EXPH5: variants seen among roughly 807,000 people sequenced by gnomAD.
EXPH5 encodes the protein exophilin-5.
In EXPH5, 42 loss-of-function variants were observed where a neutral mutation model predicts 41.1. The ratio of observed to expected loss-of-function variants is 1.02; its 90% CI spans 0.80 to 1.32. The LOEUF is 1.32. Ranked by LOEUF, EXPH5 falls within the 40% of genes most tolerant of loss-of-function variation. The pLI is 0.00. For missense variants in EXPH5, 2,298 were observed against 2,314.5 expected (o/e 0.99, Z 0.15); for synonymous variants, 798 against 833.5 (o/e 0.96, Z 0.73).
rs549849425 is a variant in EXPH5 at position 108,516,469 on chromosome 11, G to T, written c.632-1594C>A. Among the ~76,000 whole-genome samples, 4 of 152,148 alleles carry T rather than the reference G, an allele frequency of 2.6e-5. No individual in the cohort carries two copies. In the South Asian group the frequency reaches 8.3e-4, roughly 32 times the overall value. ...TTTGAATAGAATCATAATCTTTTGA[G>T]GTGTGTAGACTCTCTAAGACCCACT... On this transcript the variant is annotated intron_variant, in intron 5 of 5. Transcript: ENST00000265843.
chr11:108,538,027 G>T (rs1218883418), intron 3 of EXPH5: 2 of 985,194 alleles, frequency 2.0e-6, no homozygotes, highest in African/African-American at 1.7e-5. Context: ...CTACATTGTG[G>T]TCTGCTCTTT....
rs117009225 is a variant in EXPH5, at chr11:108,514,512, G to C, written c.995C>G (p.Pro332Arg). 14 of 1,612,628 alleles carry C rather than the reference G, an allele frequency of 8.7e-6. No homozygotes were observed. The East Asian group carries it at 2.9e-4, about 33-fold the overall frequency. The change falls in exon 6 of 6, where the codon CCA becomes CGA. Residue 332 changes from proline (P) to arginine (R), a missense_variant. Pro to Arg is a moderately radical substitution (Grantham distance 103). Coordinates refer to ENST00000265843, the MANE Select transcript of EXPH5 (RefSeq NM_015065.3). Reference sequence around the variant, plus strand: ...TCTTGCTGTGAAATGCCCTGTGGCTGGTAAGGCCGACCGTTGCCTGCTGTC... The same window carrying C: ...TCTTGCTGTGAAATGCCCTGTGGCTCGTAAGGCCGACCGTTGCCTGCTGTC... ...CFDSRQRSAL[P>R]ATGHFTARSL... is the part of the protein sequence containing the mutation.
chr11:108,579,231 G>T (rs2094090085), intron 1 of EXPH5, among the ~76,000 whole-genome samples: 2 of 150,252 alleles, frequency 1.3e-5, no homozygotes, highest in African/African-American at 4.9e-5. Flanking sequence ...AAGAGATGTT[G>T]AATTTTAATG....
intron 1 of EXPH5, among the ~76,000 whole-genome samples, chr11:108,563,500 G>A (rs1395025335): frequency 6.6e-6 from 1 of 152,162 alleles, no homozygotes; most frequent in African/African-American, 2.4e-5. Context: ...GCAGGGGAGA[G>A]CACATTATCT....
At chr11:108,565,197 TGC>T (rs1176474659) in intron 1 of EXPH5, among the ~76,000 whole-genome samples, 4 of 152,174 alleles carry the variant, frequency 2.6e-5, no homozygotes, top group Admixed American at 6.5e-5. Flanking sequence ...TGAGCCACCA[TGC>T]CTGGCCTGTA....
intron 1 of EXPH5, among the ~76,000 whole-genome samples, chr11:108,579,964 A>C (rs961640067): frequency 6.6e-6 from 1 of 152,134 alleles, no homozygotes; most frequent in Non-Finnish European, 1.5e-5. Flanking sequence ...GAAAATATAG[A>C]GGAAATACTT....
intron 4 of EXPH5, among the ~76,000 whole-genome samples, chr11:108,522,206 A>T (rs545635901): frequency 6.9e-6 from 1 of 145,038 alleles, no homozygotes; most frequent in African/African-American, 2.8e-5. Flanking sequence ...TTTTTTTTTA[A>T]AAAAGGAACT....
rs2093771005 is a variant in EXPH5, at chr11:108,522,417, TTG to T, written c.493-4046_493-4045del. Among the ~76,000 whole-genome samples the T allele has an allele frequency of 6.6e-5, 10 of 152,218 alleles. No homozygotes were observed. The South Asian group carries it at 2.1e-3, about 32-fold the overall frequency. ...ATTTAGTTTTAACTACCCTATGGAG[TTG>T]GTACTCTTATTATCCCTACTTTGAG... On this transcript the variant is annotated intron_variant, in intron 4 of 5. Transcript: ENST00000265843.
intron 3 of EXPH5, chr11:108,538,251 T>C (rs913392769): frequency 1.0e-5 from 10 of 985,208 alleles, no homozygotes; most frequent in Middle Eastern, 5.2e-4. Context: ...GCGGAACATA[T>C]CACGTGCCAA....
intron 2 of EXPH5, among the ~76,000 whole-genome samples, chr11:108,539,415 C>T (rs2093900122): frequency 1.3e-5 from 2 of 152,150 alleles, no homozygotes; most frequent in Admixed American, 6.5e-5. Context: ...GGAATCTTTC[C>T]ATGTGTACTG....
chr11:108,569,130 T>A (rs2094048314), intron 1 of EXPH5, among the ~76,000 whole-genome samples: 1 of 152,120 alleles, frequency 6.6e-6, no homozygotes, highest in East Asian at 1.9e-4. Flanking sequence ...TTCACATCTT[T>A]ATGGCTTGCC....
intron 1 of EXPH5, among the ~76,000 whole-genome samples, chr11:108,554,220 C>T (rs755491848): frequency 1.3e-5 from 2 of 152,128 alleles, no homozygotes; most frequent in Non-Finnish European, 1.5e-5. Context: ...TGTGCCACCA[C>T]GCCCAGCTAA....
At chr11:108,524,933 C>G (rs1295255986) in intron 4 of EXPH5, among the ~76,000 whole-genome samples, 2 of 152,208 alleles carry the variant, frequency 1.3e-5, no homozygotes, top group Non-Finnish European at 2.9e-5. Flanking sequence ...CAAATCTCAT[C>G]TTGAACTGTA....
At chr11:108,579,386 AT>A (rs1369913525) in intron 1 of EXPH5, among the ~76,000 whole-genome samples, 2 of 152,010 alleles carry the variant, frequency 1.3e-5, no homozygotes, top group African/African-American at 4.8e-5. Flanking sequence ...ATGAATGACC[AT>A]TTTAACGTGT....
rs769036959 is a variant in EXPH5 at position 108,593,529 on chromosome 11, T to A, written c.8A>T (p.Lys3Ile). The A allele has an allele frequency of 6.2e-7, 1 of 1,614,222 alleles. No homozygotes were observed. Among genetic ancestry groups the A allele is most frequent in the South Asian group, 1.1e-5 (1 of 91,086 alleles). ...ACTGAAATCAAACGCCGGAGGAACT[T>A]TCGTCATTTTCTTTACTGTGTGTGA... Reference protein sequence around the residue: MTKVPPAFDFSFL... With the variant: MTIVPPAFDFSFL... The change falls in exon 1 of 6, where the codon AAA (lysine) becomes ATA (isoleucine). Residue 3 changes from lysine (K) to isoleucine (I), a missense_variant. Lys to Ile is a moderately radical substitution (Grantham distance 102). Coordinates refer to ENST00000265843, the MANE Select transcript of EXPH5 (RefSeq NM_015065.3).
chr11:108,595,888 G>A (rs916549261), upstream of EXPH5, among the ~76,000 whole-genome samples: 4 of 152,078 alleles, frequency 2.6e-5, no homozygotes, highest in African/African-American at 9.7e-5. Context: ...AGGTTTTGAG[G>A]GTGATAATGA....
Position 108,511,295 on chromosome 11 carries a change from A to T in EXPH5, c.4212T>A (p.Asn1404Lys). 1 of 1,601,776 alleles carries T rather than the reference A, an allele frequency of 6.2e-7. No individual in the cohort carries two copies. Among genetic ancestry groups the T allele is most frequent in the Non-Finnish European group, 8.5e-7 (1 of 1,176,360 alleles). Residue 1404 changes from asparagine (N) to lysine (K), a missense_variant, in exon 6 of 6, where the codon AAT (asparagine) becomes AAA (lysine). Physicochemically the swap from Asn to Lys is moderately conservative, Grantham distance 94. Coordinates refer to ENST00000265843, the MANE Select transcript of EXPH5 (RefSeq NM_015065.3). ...AATTTTCAGATTTTTCTTCGGATAC[A>T]TTTTTTCTCTGAAGCATCAATGAAG... ...LHTSLMLQRK[N>K]VSEEKSENCQ...
chr11:108,569,569 C>A (rs1367849092), intron 1 of EXPH5, among the ~76,000 whole-genome samples: 1 of 152,104 alleles, frequency 6.6e-6, no homozygotes, highest in Non-Finnish European at 1.5e-5. Flanking sequence ...TCGAACTCCT[C>A]ACCTCGTGAT....
the EXPH5 span, among the ~76,000 whole-genome samples, chr11:108,600,977 T>TA: frequency 3.3e-5 from 5 of 152,220 alleles, no homozygotes; most frequent in Non-Finnish European, 7.3e-5. Flanking sequence ...TGCCATGCCT[T>TA]AAGAAGCATG....
Sources: gnomAD v4.1 joint callset for allele counts (sites outside exome capture counted in the v4.1 genomes callset) on GRCh38, gnomAD v4.1.1 for gene constraint, MANE v1.5 for transcripts, NCBI Gene and HGNC (gene_info 2026-07-23, HGNC 2026-07-21) for gene names.